SUGCT: variants seen among roughly 807,000 people sequenced by gnomAD.
SUGCT encodes succinyl-CoA:glutarate-CoA transferase, also known as succinyl-CoA:glutarate CoA-transferase.
In SUGCT, 41 loss-of-function variants were observed where a neutral mutation model predicts 55.0. That is an observed-to-expected ratio of 0.74 (90% CI 0.58 to 0.97). The LOEUF is 0.97. Among genes scored for constraint, SUGCT ranks in the 50% least tolerant of loss-of-function variants. The probability of loss-of-function intolerance (pLI) is 0.00; values close to 1 mark genes in which losing one functional copy is unlikely to be tolerated. For missense variants in SUGCT, 568 were observed against 547.8 expected (o/e 1.04, Z -0.37); for synonymous variants, 187 against 200.4 (o/e 0.93, Z 0.56).
At chr7:40,683,504 A>G (rs923677892) in intron 12 of SUGCT, among the ~76,000 whole-genome samples, 1 of 152,210 alleles carries the variant, frequency 6.6e-6, no homozygotes, top group African/African-American at 2.4e-5. Flanking sequence ...AAATGGCTCC[A>G]GTGGAAGAAC....
At chr7:40,498,199 G>C (rs909756666) in intron 12 of SUGCT, among the ~76,000 whole-genome samples, 7 of 152,124 alleles carry the variant, frequency 4.6e-5, no homozygotes, top group Non-Finnish European at 1.0e-4. Flanking sequence ...TCTACAAACT[G>C]CCCTGTGTGT....
chr7:40,548,964 C>T (rs1331073712), intron 12 of SUGCT, among the ~76,000 whole-genome samples: 1 of 152,044 alleles, frequency 6.6e-6, no homozygotes, highest in Non-Finnish European at 1.5e-5. Flanking sequence ...AGTGTATTGC[C>T]TAATAACCAC....
chr7:40,323,610 C>T (rs1795860930), intron 9 of SUGCT, among the ~76,000 whole-genome samples: 1 of 152,116 alleles, frequency 6.6e-6, no homozygotes, highest in South Asian at 2.1e-4. Context: ...CCAGGCTGGT[C>T]TTGAACTCCT....
chr7:40,794,164 G>T (rs1790445583), intron 13 of SUGCT, among the ~76,000 whole-genome samples: 1 of 152,034 alleles, frequency 6.6e-6, no homozygotes, highest in Admixed American at 6.6e-5. Flanking sequence ...TTCCAGGTAT[G>T]TTTAATATGT....
chr7:41,030,864 A>C, the SUGCT span, among the ~76,000 whole-genome samples: 737 of 152,228 alleles, frequency 4.8e-3, 3 homozygotes, highest in African/African-American at 0.017. Context: ...CCCCCAAGGG[A>C]GGAGGATACA....
chr7:40,281,105 C>A (rs1792923131), intron 8 of SUGCT, among the ~76,000 whole-genome samples: 1 of 152,116 alleles, frequency 6.6e-6, no homozygotes. Context: ...TTATTACACT[C>A]TTTTTTTCTG....
chr7:40,947,782 T>A, the SUGCT span, among the ~76,000 whole-genome samples: 1 of 152,200 alleles, frequency 6.6e-6, no homozygotes, highest in Non-Finnish European at 1.5e-5. Context: ...CTTAAATGCT[T>A]GTTTCCCTGC....
chr7:40,615,779 T>G (rs1262496487), intron 12 of SUGCT, among the ~76,000 whole-genome samples: 2 of 152,190 alleles, frequency 1.3e-5, no homozygotes, highest in Non-Finnish European at 2.9e-5. Flanking sequence ...TAAGCCCAAG[T>G]ATAAGCTTTA....
the SUGCT span, among the ~76,000 whole-genome samples, chr7:40,939,147 G>C: frequency 4.1e-3 from 629 of 152,274 alleles, 2 homozygotes; most frequent in African/African-American, 0.013. Flanking sequence ...CACAATTATG[G>C]AGGAAGGAAA....
At chr7:40,506,104 C>T (rs988211613) in intron 12 of SUGCT, among the ~76,000 whole-genome samples, 7 of 152,036 alleles carry the variant, frequency 4.6e-5, no homozygotes, top group Admixed American at 1.3e-4. Context: ...TTTATGTGTG[C>T]ATGGATTCAG....
intron 8 of SUGCT, among the ~76,000 whole-genome samples, chr7:40,312,268 C>G (rs7798925): frequency 6.6e-6 from 1 of 151,948 alleles, no homozygotes; most frequent in Non-Finnish European, 1.5e-5. Flanking sequence ...CTCGAACTCC[C>G]GACCTCAGGT....
At chr7:40,561,499 A>T (rs1795831976) in intron 12 of SUGCT, among the ~76,000 whole-genome samples, 1 of 152,062 alleles carries the variant, frequency 6.6e-6, no homozygotes, top group African/African-American at 2.4e-5. Context: ...GATATATTGA[A>T]CATCTATTAT....
At chr7:40,707,888 C>A (rs1785504124) in intron 12 of SUGCT, among the ~76,000 whole-genome samples, 1 of 152,178 alleles carries the variant, frequency 6.6e-6, no homozygotes, top group Admixed American at 6.5e-5. Flanking sequence ...ATGGAAATAT[C>A]TTTTTCTGTG....
At position 40,628,843 on chromosome 7, in the gene SUGCT, C is replaced by T. The variant is rs996160479; in HGVS notation, c.1090-120591C>T. Among the ~76,000 whole-genome samples, 5 of 151,968 alleles carry T rather than the reference C, an allele frequency of 3.3e-5. No individual in the cohort carries two copies. The South Asian group carries it at 6.2e-4, about 19-fold the overall frequency. On this transcript the variant is annotated intron_variant, in intron 12 of 13. Coordinates refer to ENST00000335693, the MANE Select transcript of SUGCT (RefSeq NM_001193313.2). ...GCAACCTGTGCCTCCCGTGTTCAAG[C>T]GATTTTCCTGCCTCAGAGTCTCTAG...
chr7:40,440,458 G>A (rs1788454944), intron 9 of SUGCT, among the ~76,000 whole-genome samples: 1 of 152,034 alleles, frequency 6.6e-6, no homozygotes, highest in Admixed American at 6.6e-5. Context: ...ATTGCACCCA[G>A]CCAAGTTTTT....
intron 12 of SUGCT, among the ~76,000 whole-genome samples, chr7:40,499,975 T>A (rs1792192104): frequency 6.6e-6 from 1 of 152,200 alleles, no homozygotes; most frequent in African/African-American, 2.4e-5. Context: ...ATACAGCTTT[T>A]AATAGAAACT....
intron 9 of SUGCT, among the ~76,000 whole-genome samples, chr7:40,329,073 G>A (rs952784286): frequency 1.3e-5 from 2 of 152,196 alleles, no homozygotes; most frequent in East Asian, 3.8e-4. Flanking sequence ...TACATGTCCT[G>A]TTTTGTTCCT....
chr7:40,916,587 T>C, the SUGCT span, among the ~76,000 whole-genome samples: 1 of 152,188 alleles, frequency 6.6e-6, no homozygotes, highest in Non-Finnish European at 1.5e-5. Context: ...TAACTGAATC[T>C]AGGTCTACAC....
rs533775557 is a variant in SUGCT, at chr7:40,699,678, G to T, written c.1090-49756G>T. Among the ~76,000 whole-genome samples the T allele has an allele frequency of 1.1e-3, 161 of 152,194 alleles. 1 individual carries two copies. Among genetic ancestry groups the T allele is most frequent in the African/African-American group, 3.5e-3 (147 of 41,524 alleles). On this transcript the variant is annotated intron_variant, in intron 12 of 13. Coordinates refer to ENST00000335693, the MANE Select transcript of SUGCT (RefSeq NM_001193313.2). Reference sequence around the variant, plus strand: ...GAGGCCAGGAGTTCAAGACCAGCCTGGTCAATACGGTGAAACCTCATCTCT... The same window carrying T: ...GAGGCCAGGAGTTCAAGACCAGCCTTGTCAATACGGTGAAACCTCATCTCT...
Sources: allele counts gnomAD v4.1 joint callset (sites outside exome capture counted in the v4.1 genomes callset), GRCh38; gene constraint gnomAD v4.1.1; transcripts MANE v1.5; gene names NCBI Gene and HGNC (gene_info 2026-07-23, HGNC 2026-07-21).